The following PLPPR4 variants were observed in gnomAD, a reference collection of about 807,000 sequenced individuals.
PLPPR4 encodes phospholipid phosphatase related 4.
In PLPPR4, 24 loss-of-function variants were observed where a neutral mutation model predicts 56.6. The ratio of observed to expected loss-of-function variants is 0.42; its 90% CI spans 0.31 to 0.60. The LOEUF (loss-of-function observed/expected upper bound fraction) is 0.60, where lower values mean the gene tolerates loss of function less well. PLPPR4 is among the 20% of genes least tolerant of loss of function. The pLI is 0.13. For synonymous variants in PLPPR4, 326 were observed against 328.1 expected, an observed-to-expected ratio of 0.99 and a Z score of 0.07; for missense variants, 654 against 885.8, an observed-to-expected ratio of 0.74 and a Z score of 3.32.
chr1:99,276,273 C>G (rs1449676582), intron 1 of PLPPR4, among the ~76,000 whole-genome samples: 2 of 151,994 alleles, frequency 1.3e-5, no homozygotes, highest in Non-Finnish European at 2.9e-5. Context: ...CTAGAGCGTT[C>G]TAATCTCTGA....
chr1:99,298,861 G>T, intron 3 of PLPPR4, 174 bp from the exon 4 acceptor site: 1 of 674,036 alleles, frequency 1.5e-6, no homozygotes, highest in South Asian at 1.6e-5. Flanking sequence ...CCTTTATTTT[G>T]GACTTAAGTA....
upstream of PLPPR4, among the ~76,000 whole-genome samples, chr1:99,263,598 T>C (rs1043235467): frequency 6.6e-6 from 1 of 152,200 alleles, no homozygotes; most frequent in African/African-American, 2.4e-5. Flanking sequence ...TTGCTGGGTC[T>C]TTCTCTCTTC....
At chr1:99,292,027 G>C (rs1475472142) in intron 2 of PLPPR4, among the ~76,000 whole-genome samples, 1 of 152,008 alleles carries the variant, frequency 6.6e-6, no homozygotes, top group Non-Finnish European at 1.5e-5. Flanking sequence ...TCCTAAAAGT[G>C]CTCAAAATTA....
intron 1 of PLPPR4, among the ~76,000 whole-genome samples, chr1:99,265,475 T>C (rs1658871973): frequency 6.6e-6 from 1 of 152,182 alleles, no homozygotes; most frequent in Admixed American, 6.5e-5. Flanking sequence ...TTATAAAGAT[T>C]GGCAGATACA....
In PLPPR4 at chr1:99,305,983, C is replaced by A. The variant is rs1195753337; in HGVS notation, c.1121C>A (p.Thr374Asn). The A allele has an allele frequency of 2.5e-6, 4 of 1,614,162 alleles. No homozygotes were observed. Among genetic ancestry groups the A allele is most frequent in the Non-Finnish European group, 2.5e-6 (3 of 1,180,026 alleles). ...TFSNTLPRAN[T>N]PSVEDPVRRN... Reference sequence around the variant, plus strand: ...AGCAATACCTTGCCGCGAGCCAATACCCCATCTGTAGAAGACCCTGTCAGA... The same window carrying A: ...AGCAATACCTTGCCGCGAGCCAATAACCCATCTGTAGAAGACCCTGTCAGA... The change falls in exon 7 of 7, where the codon ACC (threonine) becomes AAC (asparagine). Residue 374 changes from threonine to asparagine, a missense_variant. Transcript: ENST00000370185.
intron 1 of PLPPR4, among the ~76,000 whole-genome samples, chr1:99,271,439 T>A (rs1024598143): frequency 1.3e-5 from 2 of 152,184 alleles, no homozygotes. Context: ...AACCTAGTGA[T>A]GAAGTGCAAT....
At chr1:99,290,280 A>G (rs1293936954) in intron 2 of PLPPR4, among the ~76,000 whole-genome samples, 5 of 152,206 alleles carry the variant, frequency 3.3e-5, no homozygotes, top group African/African-American at 4.8e-5. Flanking sequence ...CTACTGCTCA[A>G]ATAAATCAGA....
At chr1:99,277,194 G>T (rs931818950) in intron 1 of PLPPR4, among the ~76,000 whole-genome samples, 2 of 152,046 alleles carry the variant, frequency 1.3e-5, no homozygotes, top group Admixed American at 6.6e-5. Context: ...ATTGTGCTTT[G>T]TTTTCAGGAT....
chr1:99,267,664 T>C (rs1658936511), intron 1 of PLPPR4, among the ~76,000 whole-genome samples: 1 of 152,164 alleles, frequency 6.6e-6, no homozygotes. Context: ...TGAAATAAAT[T>C]ATTTTACTTA....
chr1:99,302,842 G>A (rs819917), intron 6 of PLPPR4, among the ~76,000 whole-genome samples: 77,909 of 149,798 alleles, frequency 0.52, 20,887 homozygotes, highest in African/African-American at 0.64. Context: ...AAGGACATGA[G>A]CTCATCATTT....
At position 99,305,723 on chromosome 1, in the gene PLPPR4, G is replaced by C. The variant is rs1660005488; in HGVS notation, c.861G>C (p.Glu287Asp). The change falls in exon 7 of 7, where the codon GAG becomes GAC. Residue 287 changes from glutamate to aspartate, a missense_variant. Glu to Asp is a conservative substitution (Grantham distance 45). Around this residue, in one of 2 missense-constraint regions of PLPPR4, gnomAD observed 468 missense variants for 554.3 expected, o/e 0.84. Transcript: ENST00000370185. ...YAVGNFLPSD[E>D]SMFQHRDALR... ...TGGGGAATTTCCTGCCCAGTGATGA[G>C]AGTATGTTTCAGCACAGAGACGCCC... 2.5e-6 allele frequency: 4 copies of C among 1,613,938 alleles called. No individual in the cohort carries two copies. Among genetic ancestry groups the C allele is most frequent in the Non-Finnish European group, 3.4e-6 (4 of 1,179,956 alleles).
Position 99,301,798 on chromosome 1 carries a change from T to A in PLPPR4, c.723T>A (p.Cys241Ter). The change falls in exon 6 of 7, where the codon TGT becomes TGA. Residue 241 changes from cysteine (C) to a stop codon, truncating the protein, a stop_gained. Transcript: ENST00000370185. LOFTEE classifies it high-confidence loss of function. ...KPLLVFTFII[C>*]GIICGLTRIT... is the part of the protein sequence containing the mutation. ...TCTTGGTCTTCACATTTATCATCTGTGGAATAATCTGCGGGCTAACACGGA... is the reference window on the plus strand; with the variant it reads ...TCTTGGTCTTCACATTTATCATCTGAGGAATAATCTGCGGGCTAACACGGA... The A allele has an allele frequency of 6.2e-7, 1 of 1,612,646 alleles. No homozygotes were observed. The highest frequency in any genetic ancestry group is 8.5e-7 in the Non-Finnish European group (1 of 1,178,934).
intron 1 of PLPPR4, among the ~76,000 whole-genome samples, chr1:99,266,879 T>G (rs1472225641): frequency 6.6e-6 from 1 of 152,272 alleles, no homozygotes; most frequent in Middle Eastern, 3.2e-3. Context: ...TGACTCATTT[T>G]GAAGCTGGTG....
chr1:99,266,427 G>T (rs182953953), intron 1 of PLPPR4, among the ~76,000 whole-genome samples: 2 of 152,212 alleles, frequency 1.3e-5, no homozygotes, highest in East Asian at 1.9e-4. Context: ...CAGAATGTAC[G>T]TGGGCGCTTT....
intron 5 of PLPPR4, among the ~76,000 whole-genome samples, chr1:99,301,434 T>C (rs1343030404): frequency 6.6e-6 from 1 of 152,096 alleles, no homozygotes; most frequent in South Asian, 2.1e-4. Context: ...AAGTCTTTCC[T>C]GAGAAAAATG....
intron 4 of PLPPR4, 105 bp downstream of exon 4, chr1:99,299,335 T>C: frequency 1.2e-6 from 1 of 814,632 alleles, no homozygotes. Flanking sequence ...TGATTTTGTT[T>C]TTATTTTTCT....
In PLPPR4 at chr1:99,296,900, C is replaced by CTT. The variant is rs5776465; in HGVS notation, c.394+42_394+43dup. ...TGGGGAACCACAAAGAAAAGAAATG[C>CTT]TTTTTTTTTTATATTGAAATGTTAT... On this transcript the variant is annotated intron_variant, in intron 3 of 6. Coordinates refer to ENST00000370185, the MANE Select transcript of PLPPR4 (RefSeq NM_014839.5). The CTT allele has an allele frequency of 6.5e-6, 9 of 1,381,624 alleles. No homozygotes were observed. The Admixed American group carries it at 7.1e-5, about 11-fold the overall frequency. The allele number at this position is 1,381,624 out of a possible 1,614,324, so 85.6% of individuals were successfully genotyped here. A position where few individuals can be genotyped will look rare whatever the true frequency, so the allele number is the denominator to read the frequency against.
intron 5 of PLPPR4, among the ~76,000 whole-genome samples, chr1:99,301,252 C>T (rs528668572): frequency 6.6e-6 from 1 of 151,820 alleles, no homozygotes; most frequent in Admixed American, 6.6e-5. Flanking sequence ...AGGAATGTTA[C>T]AAAACTTGAA....
intron 2 of PLPPR4, among the ~76,000 whole-genome samples, chr1:99,289,501 G>T (rs1453820026): frequency 6.6e-6 from 1 of 152,018 alleles, no homozygotes; most frequent in Non-Finnish European, 1.5e-5. Flanking sequence ...TTATTCTATA[G>T]TGACTGTCAC....
Sources: gnomAD v4.1 joint callset for allele counts (sites outside exome capture counted in the v4.1 genomes callset) on GRCh38, gnomAD v4.1.1 for gene constraint, gnomAD v4.1.1 regional missense constraint, MANE v1.5 for transcripts, NCBI Gene and HGNC (gene_info 2026-07-23, HGNC 2026-07-21) for gene names.